The following NFIA variants were observed in gnomAD, a reference collection of about 807,000 sequenced individuals.
NFIA encodes the protein nuclear factor 1 A-type.
NFIA carries 8 observed loss-of-function variants against 62.8 expected under a neutral mutation model. The observed-to-expected ratio is 0.13, with a 90% CI of 0.07 to 0.23. The LOEUF (loss-of-function observed/expected upper bound fraction) is 0.23. Among genes scored for constraint, NFIA ranks in the 10% least tolerant of loss-of-function variants. NFIA has a pLI of 1.00. For missense variants in NFIA, 410 were observed against 642.1 expected (o/e 0.64, Z 3.91); for synonymous variants, 235 against 238.1 (o/e 0.99, Z 0.12).
At chr1:61,111,527 T>A (rs951325919) in intron 2 of NFIA, among the ~76,000 whole-genome samples, 1 of 152,202 alleles carries the variant, frequency 6.6e-6, no homozygotes, top group African/African-American at 2.4e-5. Flanking sequence ...AACATTCATT[T>A]GTGAAGACTT....
chr1:61,250,864 G>A (rs143375501), intron 2 of NFIA: 6 of 152,272 alleles, frequency 3.9e-5, no homozygotes, highest in Admixed American at 1.3e-4. Context: ...TGAAAAATCA[G>A]TGTGGAGTTG....
chr1:61,448,138 G>T (rs1441868901), intron 10 of NFIA, among the ~76,000 whole-genome samples: 2 of 152,076 alleles, frequency 1.3e-5, no homozygotes, highest in African/African-American at 4.8e-5. Flanking sequence ...CCACTTGGTT[G>T]CCTGACTACC....
intron 2 of NFIA, among the ~76,000 whole-genome samples, chr1:61,091,358 C>T (rs1258072458): frequency 1.3e-5 from 2 of 150,846 alleles, no homozygotes; most frequent in Non-Finnish European, 2.9e-5. Context: ...TTTTTTAAAG[C>T]GGAGGTGATT....
intron 2 of NFIA, among the ~76,000 whole-genome samples, chr1:61,135,128 G>A (rs1647158703): frequency 1.3e-5 from 2 of 152,124 alleles, no homozygotes; most frequent in Non-Finnish European, 2.9e-5. Context: ...CTTTAAATTA[G>A]GAAGAAAACT....
At chr1:61,222,249 G>A (rs1187292596) in intron 2 of NFIA, among the ~76,000 whole-genome samples, 1 of 152,106 alleles carries the variant, frequency 6.6e-6, no homozygotes, top group Non-Finnish European at 1.5e-5. Flanking sequence ...TATTCTCATA[G>A]CAATGATGTA....
At chr1:61,084,689 A>G (rs1482782799) in intron 1 of NFIA, among the ~76,000 whole-genome samples, 1 of 152,180 alleles carries the variant, frequency 6.6e-6, no homozygotes, top group East Asian at 1.9e-4. Context: ...ACCCTAACAG[A>G]TACATTAGTG....
chr1:61,171,413 A>T (rs1256092396), intron 2 of NFIA, among the ~76,000 whole-genome samples: 6 of 152,224 alleles, frequency 3.9e-5, no homozygotes, highest in Non-Finnish European at 8.8e-5. Context: ...AAACATAATT[A>T]TGAAATATTT....
At chr1:61,189,809 G>A (rs1570346636) in intron 2 of NFIA, among the ~76,000 whole-genome samples, 1 of 152,190 alleles carries the variant, frequency 6.6e-6, no homozygotes, top group East Asian at 1.9e-4. Context: ...TCTTACATCC[G>A]AGGAGACTGG....
rs1663052605 is a variant in NFIA at position 61,357,971 on chromosome 1, T to C, written c.819-1176T>C. On this transcript the variant is annotated intron_variant, in intron 5 of 10. Transcript: ENST00000403491. ...AGCATAGCAGCAGGCGGCATTTCAC[T>C]ACGTTTTCACTCCTGAAGCCTCAAA... Among the ~76,000 whole-genome samples the C allele has an allele frequency of 2.0e-5, 3 of 152,154 alleles. 1 individual carries two copies. The South Asian group carries it at 6.2e-4, about 31-fold the overall frequency.
chr1:61,211,804 C>T (rs755206549), intron 2 of NFIA, among the ~76,000 whole-genome samples: 18 of 152,086 alleles, frequency 1.2e-4, no homozygotes, highest in Non-Finnish European at 2.5e-4. Context: ...CTCGAGCCAT[C>T]CTTGCACCTC....
At chr1:61,190,188 A>AT (rs1332859587) in intron 2 of NFIA, among the ~76,000 whole-genome samples, 1 of 152,202 alleles carries the variant, frequency 6.6e-6, no homozygotes, top group Non-Finnish European at 1.5e-5. Flanking sequence ...ACTGACCAGG[A>AT]AATTGGCACC....
Position 61,255,014 on chromosome 1 carries a change from C to T in NFIA, c.560-22506C>T, listed in dbSNP as rs543478328. Among the ~76,000 whole-genome samples, 339 of 152,180 alleles carry T rather than the reference C, an allele frequency of 2.2e-3. 6 individuals carry two copies. Among genetic ancestry groups the T allele is most frequent in the South Asian group, 2.7e-3 (13 of 4,814 alleles). On this transcript the variant is annotated intron_variant, in intron 2 of 10. Coordinates refer to ENST00000403491, the MANE Select transcript of NFIA (RefSeq NM_001134673.4). ...TAGGATCCCCTTTTCACTGGCTTAG[C>T]GATCTGAAAGTCCAAATTGAAAGAA...
At chr1:61,139,698 C>T (rs1647354021) in intron 2 of NFIA, among the ~76,000 whole-genome samples, 1 of 152,056 alleles carries the variant, frequency 6.6e-6, no homozygotes, top group South Asian at 2.1e-4. Flanking sequence ...GTCTTTCCTC[C>T]TGCCTTCAGG....
At chr1:61,114,908 T>A (rs1291672240) in intron 2 of NFIA, among the ~76,000 whole-genome samples, 18 of 152,220 alleles carry the variant, frequency 1.2e-4, no homozygotes, top group Admixed American at 1.2e-3. Flanking sequence ...GAAGCTGGAA[T>A]ACACTGGCAT....
chr1:61,404,213 G>A lies in NFIA; in HGVS notation c.1185G>A (p.Thr395=), dbSNP rs771792554. 4.2e-5 allele frequency: 67 copies of A among 1,614,058 alleles called. 1 individual carries two copies. Among genetic ancestry groups the A allele is most frequent in the Middle Eastern group, 3.3e-4 (2 of 6,084 alleles). The change falls in exon 8 of 11, where the codon ACG becomes ACA. Residue 395 remains threonine (T), a synonymous_variant. Transcript: ENST00000403491. ...HPAIRYHPQE[T]LKEFVQLVCP... Reference sequence around the variant, plus strand: ...CCATCCGCTATCACCCTCAGGAGACGCTGAAAGAATTTGTCCAACTTGTCT... The same window carrying A: ...CCATCCGCTATCACCCTCAGGAGACACTGAAAGAATTTGTCCAACTTGTCT...
At chr1:61,259,022 G>T (rs148632324) in intron 2 of NFIA, among the ~76,000 whole-genome samples, 141 of 152,238 alleles carry the variant, frequency 9.3e-4, no homozygotes, top group African/African-American at 3.2e-3. Context: ...TGCCTGGCCA[G>T]GAAATGTTTT....
chr1:61,248,509 A>G (rs548327667), intron 2 of NFIA, among the ~76,000 whole-genome samples: 1 of 152,322 alleles, frequency 6.6e-6, no homozygotes, highest in East Asian at 1.9e-4. Context: ...AAATGGTGGC[A>G]TCTTCCCAGA....
chr1:61,151,655 A>G (rs17121705), intron 2 of NFIA, among the ~76,000 whole-genome samples: 8 of 152,200 alleles, frequency 5.3e-5, no homozygotes, highest in Admixed American at 3.9e-4. Flanking sequence ...CCTGGAACTC[A>G]GAGCAGTGAT....
chr1:61,435,430 A>T (rs78547188), intron 10 of NFIA, among the ~76,000 whole-genome samples: 10,687 of 152,216 alleles, frequency 0.07, 1,068 homozygotes, highest in African/African-American at 0.22. Flanking sequence ...CACGAGGCCA[A>T]CAGGAACCCA....
Sources: gnomAD v4.1 joint callset for allele counts (sites outside exome capture counted in the v4.1 genomes callset) on GRCh38, gnomAD v4.1.1 for gene constraint, MANE v1.5 for transcripts, NCBI Gene and HGNC (gene_info 2026-07-23, HGNC 2026-07-21) for gene names.